Variants in SDR42E1 observed in about 807,000 individuals in gnomAD.
SDR42E1 encodes short chain dehydrogenase/reductase family 42E, member 1.
SDR42E1 carries 5 observed loss-of-function variants against 2.6 expected under a neutral mutation model. The observed-to-expected ratio is 1.94, with a 90% CI of 1.01 to 4.08. The LOEUF is 4.08. Among genes scored for constraint, SDR42E1 ranks in the 30% most tolerant of loss-of-function variants. SDR42E1 has a pLI of 0.00. For missense variants in SDR42E1, 596 were observed against 478.6 expected (o/e 1.25, Z -2.29); for synonymous variants, 231 against 188.3 (o/e 1.23, Z -1.86).
chr16:82,004,133 G>C (rs1912856837), intron 1 of SDR42E1, among the ~76,000 whole-genome samples: 1 of 152,072 alleles, frequency 6.6e-6, no homozygotes, highest in Non-Finnish European at 1.5e-5. Flanking sequence ...AAAGGAAAAG[G>C]CAAAAAAGAT....
At chr16:82,006,890 T>C (rs1306246209) in intron 1 of SDR42E1, among the ~76,000 whole-genome samples, 1 of 152,182 alleles carries the variant, frequency 6.6e-6, no homozygotes, top group Admixed American at 6.5e-5. Context: ...ATACTCGTAA[T>C]AGATATGGGT....
In SDR42E1 at chr16:81,991,739, T is replaced by C. The variant is rs1458293778; in HGVS notation, c.*7372A>G. On this transcript the variant is annotated 3_prime_UTR_variant, in exon 3 of 3. Transcript: ENST00000328945. Reference sequence around the variant, plus strand: ...AAAAAAAAAAAAATTTGGTCTTGGATTCAAGTAAACCTGGCTCAAATTTAA... The same window carrying C: ...AAAAAAAAAAAAATTTGGTCTTGGACTCAAGTAAACCTGGCTCAAATTTAA... 1 of 151,616 alleles carries C rather than the reference T, an allele frequency of 6.6e-6. No homozygotes were observed. 9.4% of individuals were successfully genotyped at this position (151,616 alleles called of 1,614,324 possible). A position where few individuals can be genotyped will look rare whatever the true frequency, so the allele number is the denominator to read the frequency against.
At chr16:82,001,949 A>T (rs1912778374) in intron 1 of SDR42E1, among the ~76,000 whole-genome samples, 1 of 138,324 alleles carries the variant, frequency 7.2e-6, no homozygotes, top group Non-Finnish European at 1.5e-5. Flanking sequence ...CCTCAAAGGC[A>T]CTGGGTGCGT....
Position 81,996,725 on chromosome 16 carries a change from T to A in SDR42E1, c.*2386A>T, listed in dbSNP as rs1241894549. The A allele has an allele frequency of 6.6e-6, 1 of 152,120 alleles. No individual in the cohort carries two copies. Among genetic ancestry groups the A allele is most frequent in the Non-Finnish European group, 1.5e-5 (1 of 68,034 alleles). The allele number at this position is 152,120 out of a possible 1,614,324, so 9.4% of individuals were successfully genotyped here. ...TAGAACAGGGCCAAGGAATGAGCAC[T>A]GAGAAAATCTACCATTTCAAGCTGG... On this transcript the variant is annotated 3_prime_UTR_variant, in exon 3 of 3. Coordinates refer to ENST00000328945, the MANE Select transcript of SDR42E1 (RefSeq NM_145168.3).
intron 1 of SDR42E1, 125 bp from the exon 2 acceptor site, chr16:82,001,009 G>T: frequency 1.7e-6 from 1 of 599,392 alleles, no homozygotes; most frequent in Non-Finnish European, 2.9e-6. Context: ...GTCTGGGTCT[G>T]GTCACAGCTG....
chr16:82,001,961 T>TACACACACACACACACACACAC (rs375862551), intron 1 of SDR42E1, among the ~76,000 whole-genome samples: 20 of 137,288 alleles, frequency 1.5e-4, no homozygotes, highest in African/African-American at 5.2e-4. Context: ...TGGGTGCGTA[T>TACACACACACACACACACACAC]ACACACACAC....
intron 1 of SDR42E1, among the ~76,000 whole-genome samples, chr16:82,006,180 C>A (rs540203793): frequency 6.7e-6 from 1 of 150,008 alleles, no homozygotes; most frequent in East Asian, 1.9e-4. Flanking sequence ...AAGACTGTTA[C>A]CATAAAAATA....
rs918155054 is a variant in SDR42E1 at position 81,999,252 on chromosome 16, C to T, written c.1041G>A (p.Val347=). ...CATGACCATGGGCTTTAAACCATTC[C>T]ACTGCTTCCTGGAGGTCAAATGGCT... ...KAQPFDLQEA[V]EWFKAHGHGR... is the part of the protein sequence containing the mutation. The change falls in exon 3 of 3, where the codon GTG becomes GTA. Residue 347 remains valine, a synonymous_variant. Transcript: ENST00000328945. The T allele has an allele frequency of 1.2e-6, 2 of 1,614,060 alleles. No individual in the cohort carries two copies. Among genetic ancestry groups the T allele is most frequent in the African/African-American group, 2.7e-5 (2 of 74,930 alleles).
chr16:81,999,293 G>C lies in SDR42E1; in HGVS notation c.1000C>G (p.Leu334Val), dbSNP rs200103579. Residue 334 changes from leucine to valine, a missense_variant, in exon 3 of 3, where the codon CTA becomes GTA. Coordinates refer to ENST00000328945, the MANE Select transcript of SDR42E1 (RefSeq NM_145168.3). ...TCAAATGGCTGAGCCTTATAACCTA[G>C]CTCTTTCTTGGCTTTCTCTAAGCTA... is the stretch of plus-strand genomic sequence containing the variant. ...YFSLEKAKKELGYKAQPFDLQ... is the reference protein window; with the variant it reads ...YFSLEKAKKEVGYKAQPFDLQ... The C allele has an allele frequency of 6.2e-7, 1 of 1,614,166 alleles. No individual in the cohort carries two copies. Among genetic ancestry groups the C allele is most frequent in the Non-Finnish European group, 8.5e-7 (1 of 1,180,034 alleles).
chr16:82,008,503 C>G (rs967469969), intron 1 of SDR42E1, among the ~76,000 whole-genome samples: 3 of 152,144 alleles, frequency 2.0e-5, no homozygotes, highest in Non-Finnish European at 4.4e-5. Flanking sequence ...CTGAGGTGGT[C>G]TCAGAGATGA....
chr16:82,000,918 C>G, intron 1 of SDR42E1, 34 bp from the exon 2 acceptor site: 5 of 1,416,936 alleles, frequency 3.5e-6, no homozygotes, highest in Non-Finnish European at 3.0e-6. Flanking sequence ...TGTTACTGAT[C>G]CAAATGCAAA....
In SDR42E1 at chr16:81,991,053, TGATTTAGAG is replaced by T. The variant is rs1912416982; in HGVS notation, c.*8049_*8057del. On this transcript the variant is annotated 3_prime_UTR_variant, in exon 3 of 3. Coordinates refer to ENST00000328945, the MANE Select transcript of SDR42E1 (RefSeq NM_145168.3). ...TACTTGGGCTCTGCTCTCAAGATAC[TGATTTAGAG>T]GAGAGACTAGGACATGTGCAATGTG... 2.0e-5 allele frequency: 3 copies of T among 152,224 alleles called. No individual in the cohort carries two copies. The highest frequency in any genetic ancestry group is 2.0e-4 in the Admixed American group (3 of 15,280). 9.4% of individuals were successfully genotyped at this position (152,224 alleles called of 1,614,324 possible).
chr16:82,006,162 G>A lies in SDR42E1; in HGVS notation c.-27+5225C>T, dbSNP rs189445365. Among the ~76,000 whole-genome samples the A allele has an allele frequency of 8.6e-4, 131 of 151,784 alleles. 3 individuals are homozygous for A. The highest frequency in any genetic ancestry group is 5.0e-3 in the Admixed American group (76 of 15,296). ...TCACCAATAGAAAGTATGGAACAGC[G>A]GGAATTTAAGACTGTTACCATAAAA... On this transcript the variant is annotated intron_variant, in intron 1 of 2. Coordinates refer to ENST00000328945, the MANE Select transcript of SDR42E1 (RefSeq NM_145168.3).
chr16:81,991,687 G>C lies in SDR42E1; in HGVS notation c.*7424C>G, dbSNP rs911106380. Reference sequence around the variant, plus strand: ...GACTGTGCCACTGTACTCTAGCCTGGGTGACAGACGAGACTCTATCAAAAA... The same window carrying C: ...GACTGTGCCACTGTACTCTAGCCTGCGTGACAGACGAGACTCTATCAAAAA... On this transcript the variant is annotated 3_prime_UTR_variant, in exon 3 of 3. Coordinates refer to ENST00000328945, the MANE Select transcript of SDR42E1 (RefSeq NM_145168.3). The C allele has an allele frequency of 6.7e-6, 1 of 149,238 alleles. No individual in the cohort carries two copies. Among genetic ancestry groups the C allele is most frequent in the Non-Finnish European group, 1.5e-5 (1 of 67,820 alleles). The allele number at this position is 149,238 out of a possible 1,614,324, so 9.2% of individuals were successfully genotyped here.
Position 81,989,231 on chromosome 16 carries a change from C to G in SDR42E1, c.*9880G>C, listed in dbSNP as rs908724661. ...TATGTCAGCAAATAAAGAATATATA[C>G]TAATATCAATAGATCACCATGCTGT... On this transcript the variant is annotated 3_prime_UTR_variant, in exon 3 of 3. Transcript: ENST00000328945. 3.9e-5 allele frequency: 6 copies of G among 152,066 alleles called. No individual in the cohort carries two copies. The highest frequency in any genetic ancestry group is 8.8e-5 in the Non-Finnish European group (6 of 68,014). The allele number at this position is 152,066 out of a possible 1,614,324, so 9.4% of individuals were successfully genotyped here. A position where few individuals can be genotyped will look rare whatever the true frequency, so the allele number is the denominator to read the frequency against.
At position 81,995,617 on chromosome 16, in the gene SDR42E1, T is replaced by C. The variant is rs1912524130; in HGVS notation, c.*3494A>G. 2 of 152,198 alleles carry C rather than the reference T, an allele frequency of 1.3e-5. No individual in the cohort carries two copies. The highest frequency in any genetic ancestry group is 2.1e-4 in the South Asian group (1 of 4,828). 9.4% of individuals were successfully genotyped at this position (152,198 alleles called of 1,614,324 possible). ...CTTGACTTAGTTACGACAGTTCTAGTGTAGGTTGGCTATTTTCCCCAGTCT... is the reference window on the plus strand; with the variant it reads ...CTTGACTTAGTTACGACAGTTCTAGCGTAGGTTGGCTATTTTCCCCAGTCT... On this transcript the variant is annotated 3_prime_UTR_variant, in exon 3 of 3. Transcript: ENST00000328945.
intron 1 of SDR42E1, among the ~76,000 whole-genome samples, chr16:82,001,391 G>A (rs1308665286): frequency 6.6e-6 from 1 of 151,862 alleles, no homozygotes; most frequent in Non-Finnish European, 1.5e-5. Flanking sequence ...ATATGTATAT[G>A]GGGAAAAACT....
chr16:82,000,415 C>T lies in SDR42E1; in HGVS notation c.69-191G>A, dbSNP rs1194582602. Reference sequence around the variant, plus strand: ...TTTTCAAAAGTGAGAATCCTCTCATCTACTTAAATTACAAAGAGAGAGGCC... The same window carrying T: ...TTTTCAAAAGTGAGAATCCTCTCATTTACTTAAATTACAAAGAGAGAGGCC... On this transcript the variant is annotated intron_variant, in intron 2 of 2. Transcript: ENST00000328945. 15 of 747,518 alleles carry T rather than the reference C, an allele frequency of 2.0e-5. No individual in the cohort carries two copies. The Admixed American group carries it at 2.4e-4, about 12-fold the overall frequency. 46.3% of individuals were successfully genotyped at this position (747,518 alleles called of 1,614,324 possible). A position where few individuals can be genotyped will look rare whatever the true frequency, so the allele number is the denominator to read the frequency against.
chr16:82,010,494 C>G (rs1913090630), intron 1 of SDR42E1, among the ~76,000 whole-genome samples: 1 of 152,140 alleles, frequency 6.6e-6, no homozygotes, highest in Non-Finnish European at 1.5e-5. Flanking sequence ...AGGGAAAAGT[C>G]AAGCTGAGAA....
Sources: gnomAD v4.1 joint callset for allele counts (sites outside exome capture counted in the v4.1 genomes callset) on GRCh38, gnomAD v4.1.1 for gene constraint, MANE v1.5 for transcripts, NCBI Gene and HGNC (gene_info 2026-07-23, HGNC 2026-07-21) for gene names.